Variants in KLHL18 observed in about 807,000 individuals in gnomAD.
KLHL18 encodes kelch like family member 18, also known as kelch-like protein 18.
In KLHL18, 38 loss-of-function variants were observed where a neutral mutation model predicts 58.5. The ratio of observed to expected loss-of-function variants is 0.65; its 90% CI spans 0.50 to 0.85. The LOEUF (loss-of-function observed/expected upper bound fraction) is 0.85, where lower values mean the gene tolerates loss of function less well. Among genes scored for constraint, KLHL18 ranks in the 40% least tolerant of loss-of-function variants. The pLI, the probability that KLHL18 is intolerant of heterozygous loss-of-function variation, is 0.00. For synonymous variants in KLHL18, 303 were observed against 301.9 expected (o/e 1.00, Z -0.04); for missense variants, 624 against 778.4 (o/e 0.80, Z 2.36).
At chr3:47,311,048 C>T (rs1310926182) in intron 1 of KLHL18, among the ~76,000 whole-genome samples, 5 of 151,188 alleles carry the variant, frequency 3.3e-5, no homozygotes, top group Admixed American at 1.3e-4. Context: ...CTCGCTCTGT[C>T]GCCCAGGCTG....
chr3:47,300,789 C>T (rs1032660758), intron 1 of KLHL18, among the ~76,000 whole-genome samples: 1 of 151,796 alleles, frequency 6.6e-6, no homozygotes, highest in African/African-American at 2.4e-5. Flanking sequence ...CTAGGATGCG[C>T]CACTATGCCT....
intron 1 of KLHL18, among the ~76,000 whole-genome samples, chr3:47,305,345 T>TG (rs1260075602): frequency 6.0e-5 from 9 of 149,488 alleles, no homozygotes; most frequent in African/African-American, 1.9e-4. Flanking sequence ...TTTTTTTTTT[T>TG]TTTTTTTTTT....
intron 1 of KLHL18, 65 bp from the exon 2 acceptor site, chr3:47,319,588 T>TTTTG (rs564729073): frequency 3.2e-6 from 5 of 1,577,346 alleles, no homozygotes; most frequent in Admixed American, 1.8e-5. Flanking sequence ...GGGTGGGTTT[T>TTTTG]TTTGTTTGTT....
chr3:47,342,574 G>A (rs1047659691), intron 8 of KLHL18, 145 bp from the exon 9 acceptor site: 4 of 650,756 alleles, frequency 6.1e-6, no homozygotes, highest in Non-Finnish European at 8.0e-6. Context: ...CGGCAGCCAG[G>A]GAGAACTGTC....
In KLHL18 at chr3:47,343,811, A is replaced by G. The variant is rs1704167077; in HGVS notation, c.1595A>G (p.Tyr532Cys). The change falls in exon 10 of 10, where the codon TAC (tyrosine) becomes TGC (cysteine). Residue 532 changes from tyrosine to cysteine, a missense_variant. By Grantham distance (194) the Tyr-to-Cys change is radical. Transcript: ENST00000232766. ...GGGCGCCTCTACGCTGTTGGGGGCT[A>G]CGACGGACAGTCAAACCTAAGCTCA... ...SCGRLYAVGGYDGQSNLSSVE... is the reference protein window; with the variant it reads ...SCGRLYAVGGCDGQSNLSSVE... 6.2e-7 allele frequency: 1 copy of G among 1,614,062 alleles called. No homozygotes were observed. The highest frequency in any genetic ancestry group is 1.3e-5 in the African/African-American group (1 of 74,918).
intron 7 of KLHL18, chr3:47,338,048 C>T (rs1268819435): frequency 6.6e-6 from 1 of 152,192 alleles, no homozygotes. Flanking sequence ...TCCATTACAT[C>T]CCTTTTAAAT....
Position 47,284,874 on chromosome 3 carries a change from A to G in KLHL18, c.129+1780A>G, listed in dbSNP as rs1024259836. ...CGCTGTGTGGCACAGGCTGGAGTGC[A>G]GTGGCATGATCTTGGCTCACTGCAA... On this transcript the variant is annotated intron_variant, in intron 1 of 9. Transcript: ENST00000232766. Among the ~76,000 whole-genome samples the G allele has an allele frequency of 3.9e-5, 6 of 152,118 alleles. No homozygotes were observed. In the South Asian group the frequency reaches 1.0e-3, roughly 26 times the overall value.
intron 2 of KLHL18, 113 bp from the exon 3 acceptor site, chr3:47,322,451 TTAGA>T: frequency 2.2e-6 from 2 of 929,528 alleles, no homozygotes; most frequent in Non-Finnish European, 3.0e-6. Context: ...AGTTACTCCA[TTAGA>T]TAGATTCTCA....
intron 1 of KLHL18, among the ~76,000 whole-genome samples, chr3:47,307,153 C>T (rs1007527854): frequency 2.6e-5 from 4 of 152,152 alleles, no homozygotes; most frequent in African/African-American, 4.8e-5. Context: ...CTCACTGCAA[C>T]GTTCGCCTCC....
rs528198582 is a variant in KLHL18, at chr3:47,344,298, G to C, written c.*357G>C. On this transcript the variant is annotated 3_prime_UTR_variant, in exon 10 of 10. Coordinates refer to ENST00000232766, the MANE Select transcript of KLHL18 (RefSeq NM_025010.5). Reference sequence around the variant, plus strand: ...GGCCTTCCATCTGATGCTCCCCATCGCCTGCTTGCTCTCCAGCCGAGTCTG... The same window carrying C: ...GGCCTTCCATCTGATGCTCCCCATCCCCTGCTTGCTCTCCAGCCGAGTCTG... 1 of 308,208 alleles carries C rather than the reference G, an allele frequency of 3.2e-6. No homozygotes were observed. Among genetic ancestry groups the C allele is most frequent in the South Asian group, 3.8e-5 (1 of 26,596 alleles). The allele number at this position is 308,208 out of a possible 1,614,324, so 19.1% of individuals were successfully genotyped here. A position where few individuals can be genotyped will look rare whatever the true frequency, so the allele number is the denominator to read the frequency against.
At position 47,282,946 on chromosome 3, in the gene KLHL18, A is replaced by T; in HGVS notation, c.-20A>T. On this transcript the variant is annotated 5_prime_UTR_variant, in exon 1 of 10. Transcript: ENST00000232766. Reference sequence around the variant, plus strand: ...TCTAGCCGGCCGGCGAGGCCTGCGCAGTTGCAGCGGCCGGGGAAGATGGTG... The same window carrying T: ...TCTAGCCGGCCGGCGAGGCCTGCGCTGTTGCAGCGGCCGGGGAAGATGGTG... 3.7e-6 allele frequency: 6 copies of T among 1,603,188 alleles called. No individual in the cohort carries two copies. Among genetic ancestry groups the T allele is most frequent in the Admixed American group, 1.7e-5 (1 of 58,336 alleles).
intron 1 of KLHL18, among the ~76,000 whole-genome samples, chr3:47,294,348 A>C (rs1290478905): frequency 2.0e-5 from 3 of 152,186 alleles, no homozygotes; most frequent in African/African-American, 7.2e-5. Flanking sequence ...GAGTAGGCCA[A>C]GCCTTTTTGA....
intron 1 of KLHL18, among the ~76,000 whole-genome samples, chr3:47,308,096 A>G (rs1703191129): frequency 6.6e-6 from 1 of 152,184 alleles, no homozygotes; most frequent in Non-Finnish European, 1.5e-5. Context: ...TGCATCAATA[A>G]AAGTATGGAT....
intron 3 of KLHL18, among the ~76,000 whole-genome samples, chr3:47,323,525 C>T (rs1703636416): frequency 6.6e-6 from 1 of 152,228 alleles, no homozygotes. Context: ...TATACCCCCA[C>T]CTATTTCCAG....
chr3:47,338,719 G>A (rs1423242507), intron 7 of KLHL18: 1 of 152,236 alleles, frequency 6.6e-6, no homozygotes, highest in Non-Finnish European at 1.5e-5. Context: ...CTACTTGGGA[G>A]GCTAAGGCAG....
intron 3 of KLHL18, among the ~76,000 whole-genome samples, chr3:47,327,685 C>A (rs546174990): frequency 4.5e-4 from 68 of 152,294 alleles, no homozygotes; most frequent in African/African-American, 1.6e-3. Flanking sequence ...TTTCTGTGCT[C>A]TTCTAAATTC....
rs560479668 is a variant in KLHL18 at position 47,293,392 on chromosome 3, GTCTT to G, written c.129+10302_129+10305del. ...TGACTGTAGACACTAAAAACAATTT[GTCTT>G]TCTATTGAAACCCAATGATTAGAAA... On this transcript the variant is annotated intron_variant, in intron 1 of 9. Transcript: ENST00000232766. Among the ~76,000 whole-genome samples the G allele has an allele frequency of 9.2e-5, 14 of 152,200 alleles. No individual in the cohort carries two copies. In the Middle Eastern group the frequency reaches 0.014, roughly 148 times the overall value.
chr3:47,336,962 T>C (rs924830799), intron 7 of KLHL18: 4 of 573,352 alleles, frequency 7.0e-6, no homozygotes, highest in Admixed American at 6.2e-5. Context: ...TTTGGGGAAC[T>C]TGGGGAGACC....
At chr3:47,333,103 G>A (rs541735628) in intron 4 of KLHL18, 54 bp from the exon 5 acceptor site, 1 of 1,574,444 alleles carries the variant, frequency 6.4e-7, no homozygotes, top group East Asian at 2.2e-5. Context: ...GGAGGCCTGG[G>A]GTGTGGCCTC....
Sources: gnomAD v4.1 joint callset for allele counts (sites outside exome capture counted in the v4.1 genomes callset) on GRCh38, gnomAD v4.1.1 for gene constraint, MANE v1.5 for transcripts, NCBI Gene and HGNC (gene_info 2026-07-23, HGNC 2026-07-21) for gene names.